CCDC3: variants seen among roughly 807,000 people sequenced by gnomAD.
The protein encoded by CCDC3 is coiled-coil domain containing 3.
In CCDC3, 24 loss-of-function variants were observed where a neutral mutation model predicts 21.4. The observed-to-expected ratio is 1.12, with a 90% CI of 0.81 to 1.58. The LOEUF (loss-of-function observed/expected upper bound fraction) is 1.58, where lower values mean the gene tolerates loss of function less well. Among genes scored for constraint, CCDC3 ranks in the 40% most tolerant of loss-of-function variants. The pLI, the probability that CCDC3 is intolerant of heterozygous loss-of-function variation, is 0.00. For synonymous variants in CCDC3, 186 were observed against 166.0 expected, an observed-to-expected ratio of 1.12 and a Z score of -0.93; for missense variants, 425 against 360.9, an observed-to-expected ratio of 1.18 and a Z score of -1.44.
intron 5 of CCDC3, among the ~76,000 whole-genome samples, chr10:13,038,023 T>A (rs1439463908): frequency 6.6e-6 from 1 of 152,096 alleles, no homozygotes; most frequent in Non-Finnish European, 1.5e-5. Context: ...TACCATGGAA[T>A]AATATGCAGC....
rs201591742 is a variant in CCDC3 at position 12,901,280 on chromosome 10, C to CT, written c.550-2602dup. Among the ~76,000 whole-genome samples the CT allele has an allele frequency of 1.3e-3, 191 of 152,016 alleles. 3 individuals carry two copies. The East Asian group carries it at 0.026, about 21-fold the overall frequency. On this transcript the variant is annotated intron_variant, in intron 2 of 2. Coordinates refer to ENST00000378825, the MANE Select transcript of CCDC3 (RefSeq NM_031455.4). The stretch of plus-strand genomic sequence containing the variant: ...CTTACATTATTTTTTCTTTTCTTTT[C>CT]TTTTTTTGAGATGGAGTCTTGCTGT...
intron 2 of CCDC3, among the ~76,000 whole-genome samples, chr10:12,937,545 C>G (rs914288986): frequency 7.9e-5 from 12 of 152,116 alleles, no homozygotes; most frequent in Non-Finnish European, 2.9e-5. Flanking sequence ...TCACTGCAGC[C>G]TCGACCTCCT....
chr10:12,972,629 C>A (rs2131265745), intron 2 of CCDC3, among the ~76,000 whole-genome samples: 1 of 152,228 alleles, frequency 6.6e-6, no homozygotes, highest in Non-Finnish European at 1.5e-5. Context: ...CCAGCCTGAC[C>A]AACATGGTGA....
At chr10:12,917,559 C>G (rs1328729497) in intron 2 of CCDC3, among the ~76,000 whole-genome samples, 1 of 152,094 alleles carries the variant, frequency 6.6e-6, no homozygotes, top group Non-Finnish European at 1.5e-5. Context: ...TTTCCCAGCT[C>G]TTGGGAAGGT....
In CCDC3 at chr10:12,898,437, G is replaced by T. The variant is rs767973179; in HGVS notation, c.792C>A (p.Arg264=). 2 of 1,604,612 alleles carry T rather than the reference G, an allele frequency of 1.2e-6. No homozygotes were observed. Among genetic ancestry groups the T allele is most frequent in the African/African-American group, 2.7e-5 (2 of 74,544 alleles). ...LPHINARGPV[R]PPYLRG is the part of the protein sequence containing the mutation. Reference sequence around the variant, plus strand: ...CCCGTTACCCCCGCAGGTAGGGGGGGCGCACGGGCCCCCGGGCATTGATGT... The same window carrying T: ...CCCGTTACCCCCGCAGGTAGGGGGGTCGCACGGGCCCCCGGGCATTGATGT... Residue 264 remains arginine, a synonymous_variant, in exon 3 of 3, where the codon CGC becomes CGA. Coordinates refer to ENST00000378825, the MANE Select transcript of CCDC3 (RefSeq NM_031455.4).
At chr10:13,031,933 T>C (rs951591147) in intron 5 of CCDC3, among the ~76,000 whole-genome samples, 2 of 152,188 alleles carry the variant, frequency 1.3e-5, no homozygotes, top group African/African-American at 4.8e-5. Context: ...CTGGTACCAT[T>C]CCTTCTGAAA....
intron 2 of CCDC3, 24 bp from the exon 3 acceptor site, chr10:12,898,703 G>A: frequency 6.2e-7 from 1 of 1,611,428 alleles, no homozygotes; most frequent in African/African-American, 1.3e-5. Context: ...CAGCGTGCAA[G>A]GAGAGGAGGT....
At chr10:12,923,209 C>G (rs1307693328) in intron 2 of CCDC3, among the ~76,000 whole-genome samples, 1 of 152,168 alleles carries the variant, frequency 6.6e-6, no homozygotes, top group African/African-American at 2.4e-5. Flanking sequence ...TGCTGTTCGT[C>G]TGTTTGGGGA....
intron 4 of CCDC3, chr10:13,058,344 T>A: frequency 8.3e-7 from 1 of 1,200,326 alleles, no homozygotes; most frequent in Non-Finnish European, 1.2e-6. Context: ...ATGCCAAACC[T>A]ACTGAGAATC....
intron 2 of CCDC3, among the ~76,000 whole-genome samples, chr10:12,916,621 GAA>G (rs71386130): frequency 6.9e-4 from 98 of 142,322 alleles, no homozygotes; most frequent in African/African-American, 2.1e-3. Flanking sequence ...CTCCATCTCA[GAA>G]AAAAAAAAAA....
intron 3 of CCDC3, among the ~76,000 whole-genome samples, chr10:13,091,306 CT>C (rs1395650615): frequency 2.6e-5 from 4 of 152,136 alleles, no homozygotes; most frequent in Non-Finnish European, 5.9e-5. Context: ...GAGGTGAAGC[CT>C]TTTGGGGGGT....
intron 2 of CCDC3, among the ~76,000 whole-genome samples, chr10:12,961,839 A>C (rs1387199585): frequency 6.6e-6 from 1 of 152,198 alleles, no homozygotes; most frequent in Non-Finnish European, 1.5e-5. Flanking sequence ...AGCTAGCTGC[A>C]GGCTGAACTT....
intron 2 of CCDC3, among the ~76,000 whole-genome samples, chr10:12,967,194 G>T (rs1835274444): frequency 6.6e-6 from 1 of 152,150 alleles, no homozygotes; most frequent in Non-Finnish European, 1.5e-5. Context: ...AACAGCATAG[G>T]TCTTCCTATA....
chr10:12,929,037 G>A (rs1834595164), intron 2 of CCDC3, among the ~76,000 whole-genome samples: 1 of 152,098 alleles, frequency 6.6e-6, no homozygotes, highest in South Asian at 2.1e-4. Flanking sequence ...GCCTAGGTGG[G>A]TGGATCATGA....
At chr10:12,968,580 A>C (rs909412503) in intron 2 of CCDC3, among the ~76,000 whole-genome samples, 1 of 152,256 alleles carries the variant, frequency 6.6e-6, no homozygotes, top group Non-Finnish European at 1.5e-5. Flanking sequence ...AGTCAAATTC[A>C]GAACAGTCTA....
chr10:12,948,044 C>T (rs927103444), intron 2 of CCDC3, among the ~76,000 whole-genome samples: 9 of 152,260 alleles, frequency 5.9e-5, no homozygotes, highest in Non-Finnish European at 1.3e-4. Flanking sequence ...GTGTCCCCAC[C>T]CAAATCTCAC....
chr10:13,041,317 A>G (rs1418959090), intron 5 of CCDC3, among the ~76,000 whole-genome samples: 1 of 152,028 alleles, frequency 6.6e-6, no homozygotes, highest in East Asian at 1.9e-4. Flanking sequence ...CATCCGACCA[A>G]TTCTTATTTC....
upstream of CCDC3, among the ~76,000 whole-genome samples, chr10:13,002,861 G>A (rs1212930378): frequency 6.6e-6 from 1 of 152,118 alleles, no homozygotes; most frequent in African/African-American, 2.4e-5. Context: ...GCTTACAGAC[G>A]GCCACCTTCT....
chr10:12,941,438 C>T (rs145803151), intron 2 of CCDC3, among the ~76,000 whole-genome samples: 27 of 152,334 alleles, frequency 1.8e-4, no homozygotes, highest in African/African-American at 6.0e-4. Context: ...TTCTTTCTTG[C>T]AGAAGATCCA....
Sources: allele counts gnomAD v4.1 joint callset (sites outside exome capture counted in the v4.1 genomes callset), GRCh38; gene constraint gnomAD v4.1.1; transcripts MANE v1.5; gene names NCBI Gene and HGNC (gene_info 2026-07-23, HGNC 2026-07-21).